STAM: variants seen among roughly 807,000 people sequenced by gnomAD.
The protein encoded by STAM is signal transducing adaptor molecule, also known as signal transducing adapter molecule 1.
In STAM, 16 loss-of-function variants were observed where a neutral mutation model predicts 63.4. That is an observed-to-expected ratio of 0.25 (90% CI 0.17 to 0.38). STAM has a LOEUF of 0.38. STAM is among the 10% of genes least tolerant of loss of function. The pLI is 1.00. For synonymous variants in STAM, 238 were observed against 223.9 expected (o/e 1.06, Z -0.56); for missense variants, 636 against 657.1 (o/e 0.97, Z 0.35).
intron 1 of STAM, among the ~76,000 whole-genome samples, chr10:17,645,018 T>A (rs1833466336): frequency 6.6e-6 from 1 of 152,234 alleles, no homozygotes; most frequent in Admixed American, 6.5e-5. Flanking sequence ...GTGGAAGAAG[T>A]TGTTGAATCT....
chr10:17,706,580 C>T (rs1054483655), intron 12 of STAM, among the ~76,000 whole-genome samples: 6 of 151,838 alleles, frequency 4.0e-5, no homozygotes, highest in African/African-American at 7.3e-5. Flanking sequence ...GGGGTTTCGC[C>T]GTGTTAGCCA....
chr10:17,667,986 T>G (rs1834465476), intron 2 of STAM, among the ~76,000 whole-genome samples: 1 of 152,232 alleles, frequency 6.6e-6, no homozygotes, highest in Non-Finnish European at 1.5e-5. Flanking sequence ...TAGGATCCTT[T>G]AAATTAAAAC....
chr10:17,705,544 A>G, intron 11 of STAM, 44 bp from the exon 12 acceptor site: 1 of 1,581,608 alleles, frequency 6.3e-7, no homozygotes, highest in Non-Finnish European at 8.6e-7. Context: ...GCATTATATC[A>G]TTTTAGTAAC....
intron 1 of STAM, among the ~76,000 whole-genome samples, chr10:17,646,659 A>G (rs1218968909): frequency 6.6e-6 from 1 of 152,198 alleles, no homozygotes; most frequent in Non-Finnish European, 1.5e-5. Context: ...TTGGTATTGG[A>G]CCAATTCTCT....
At chr10:17,648,608 G>C (rs957130600) in intron 1 of STAM, among the ~76,000 whole-genome samples, 6 of 152,134 alleles carry the variant, frequency 3.9e-5, no homozygotes, top group African/African-American at 4.8e-5. Context: ...ACCCACCAGA[G>C]GGAACAAACT....
chr10:17,652,404 CTATT>C (rs1554821645), intron 1 of STAM, among the ~76,000 whole-genome samples: 18 of 152,046 alleles, frequency 1.2e-4, no homozygotes, highest in Non-Finnish European at 2.5e-4. Context: ...GATGCTGATT[CTATT>C]TATGTGTAGG....
chr10:17,670,358 C>G (rs1218686679), intron 2 of STAM, among the ~76,000 whole-genome samples: 3 of 152,084 alleles, frequency 2.0e-5, no homozygotes, highest in Non-Finnish European at 4.4e-5. Flanking sequence ...TTTAATGTGA[C>G]TTGTCTAAAA....
intron 2 of STAM, among the ~76,000 whole-genome samples, chr10:17,664,567 G>A (rs949891516): frequency 5.3e-5 from 8 of 152,036 alleles, no homozygotes; most frequent in African/African-American, 7.2e-5. Flanking sequence ...GCTGATGGTC[G>A]CATAAGAATG....
chr10:17,660,666 G>A (rs1834131406), intron 2 of STAM, 118 bp downstream of exon 2: 4 of 662,728 alleles, frequency 6.0e-6, no homozygotes, highest in Non-Finnish European at 9.9e-6. Context: ...TGGGAGGATC[G>A]CTTGAGCCCA....
chr10:17,665,890 T>C (rs1834355246), intron 2 of STAM, among the ~76,000 whole-genome samples: 1 of 152,140 alleles, frequency 6.6e-6, no homozygotes, highest in African/African-American at 2.4e-5. Context: ...CAATTTCCAG[T>C]GTGTGAGTAA....
intron 1 of STAM, among the ~76,000 whole-genome samples, chr10:17,657,269 C>G (rs1305744083): frequency 6.6e-6 from 1 of 152,154 alleles, no homozygotes; most frequent in Non-Finnish European, 1.5e-5. Flanking sequence ...GCCAATTTAT[C>G]ACTTTTAGAG....
At chr10:17,704,588 A>G (rs1441576752) in intron 10 of STAM, 70 bp downstream of exon 10, 2 of 1,302,198 alleles carry the variant, frequency 1.5e-6, no homozygotes, top group East Asian at 4.6e-5. Flanking sequence ...CTGTTAAAGA[A>G]TGGGTTTTGA....
intron 2 of STAM, 81 bp from the exon 3 acceptor site, chr10:17,684,594 A>G: frequency 1.9e-6 from 2 of 1,040,114 alleles, no homozygotes; most frequent in Admixed American, 2.6e-5. Context: ...TTTTTATCGT[A>G]GTCTTTTGTC....
Position 17,714,794 on chromosome 10 carries a change from T to C in STAM, c.*14T>C. The stretch of plus-strand genomic sequence containing the variant: ...GCTCTGCTATAGGACCCGGTGTTCC[T>C]CTTGGTGGCAGATACCTGCTAAATG... On this transcript the variant is annotated 3_prime_UTR_variant, in exon 14 of 14. Coordinates refer to ENST00000377524, the MANE Select transcript of STAM (RefSeq NM_003473.4). The C allele has an allele frequency of 1.2e-6, 2 of 1,610,288 alleles. No homozygotes were observed. The highest frequency in any genetic ancestry group is 1.7e-6 in the Non-Finnish European group (2 of 1,176,544).
intron 2 of STAM, among the ~76,000 whole-genome samples, chr10:17,676,618 C>T (rs1834867003): frequency 1.3e-5 from 2 of 152,160 alleles, no homozygotes; most frequent in Admixed American, 1.3e-4. Flanking sequence ...ATAGTTTTGG[C>T]TGTTGTGACC....
chr10:17,707,434 T>A (rs1030640857), intron 12 of STAM, among the ~76,000 whole-genome samples: 8 of 151,430 alleles, frequency 5.3e-5, no homozygotes, highest in East Asian at 1.9e-4. Context: ...ATAATAATAA[T>A]AAATAAAAAC....
intron 5 of STAM, among the ~76,000 whole-genome samples, chr10:17,692,978 C>A (rs1018171582): frequency 1.3e-5 from 2 of 152,070 alleles, no homozygotes; most frequent in African/African-American, 2.4e-5. Context: ...TTAGTTGAAC[C>A]TCTTCACACA....
chr10:17,655,661 G>C (rs879954898), intron 1 of STAM, among the ~76,000 whole-genome samples: 7 of 152,132 alleles, frequency 4.6e-5, no homozygotes, highest in African/African-American at 9.7e-5. Context: ...TGTTGATCTA[G>C]GCAACAGGGC....
intron 8 of STAM, among the ~76,000 whole-genome samples, chr10:17,699,440 C>T (rs2131669192): frequency 6.6e-6 from 1 of 152,172 alleles, no homozygotes; most frequent in South Asian, 2.1e-4. Flanking sequence ...TTGTATATGC[C>T]TTTCAGTAGT....
Sources: gnomAD v4.1 joint callset for allele counts (sites outside exome capture counted in the v4.1 genomes callset) on GRCh38, gnomAD v4.1.1 for gene constraint, MANE v1.5 for transcripts, NCBI Gene and HGNC (gene_info 2026-07-23, HGNC 2026-07-21) for gene names.